RBFOX1: variants seen among roughly 807,000 people sequenced by gnomAD.
RBFOX1 encodes the protein RNA binding protein fox-1 homolog 1.
In RBFOX1, 8 loss-of-function variants were observed where a neutral mutation model predicts 57.7. That is an observed-to-expected ratio of 0.14 (90% confidence interval 0.08 to 0.25). The LOEUF (loss-of-function observed/expected upper bound fraction) is 0.25. Among genes scored for constraint, RBFOX1 ranks in the 10% least tolerant of loss-of-function variants. The pLI is 1.00. For synonymous variants in RBFOX1, 326 were observed against 222.4 expected (o/e 1.47, Z -4.15); for missense variants, 611 against 548.5 (o/e 1.11, Z -1.14).
intron 3 of RBFOX1, among the ~76,000 whole-genome samples, chr16:7,035,198 G>T (rs2044034332): frequency 6.6e-6 from 1 of 151,888 alleles, no homozygotes; most frequent in Non-Finnish European, 1.5e-5. Context: ...AACGCTGTTG[G>T]TCCTCAGTCT....
In RBFOX1 at chr16:7,264,656, A is replaced by G. The variant is rs568521493; in HGVS notation, c.27+212558A>G. ...GGACACTGGAATTTGCATTTCATGT[A>G]ATTTTCAGGTGTCATGCAATCTTAT... On this transcript the variant is annotated intron_variant, in intron 4 of 15. Coordinates refer to ENST00000550418, the MANE Select transcript of RBFOX1 (RefSeq NM_018723.4). 1.8e-4 allele frequency among the ~76,000 whole-genome samples: 27 copies of G among 152,314 alleles called. No individual in the cohort carries two copies. The South Asian group carries it at 5.4e-3, about 30-fold the overall frequency.
chr16:5,724,543 G>A (rs541581893), intron 3 of RBFOX1, among the ~76,000 whole-genome samples: 1 of 152,182 alleles, frequency 6.6e-6, no homozygotes, highest in Non-Finnish European at 1.5e-5. Context: ...CTTAGGGAAG[G>A]CATCTGACAT....
chr16:7,433,124 C>T (rs903117925), intron 4 of RBFOX1, among the ~76,000 whole-genome samples: 1 of 152,146 alleles, frequency 6.6e-6, no homozygotes, highest in African/African-American at 2.4e-5. Context: ...ATTGAATTCC[C>T]CCAACCAAGT....
chr16:7,104,663 C>G (rs1383377954), intron 4 of RBFOX1, among the ~76,000 whole-genome samples: 1 of 152,134 alleles, frequency 6.6e-6, no homozygotes, highest in African/African-American at 2.4e-5. Context: ...CAGAAAGACA[C>G]ATGTTTTCCT....
rs149685861 is a variant in RBFOX1, at chr16:7,197,961, G to A, written c.27+145863G>A. On this transcript the variant is annotated intron_variant, in intron 4 of 15. Coordinates refer to ENST00000550418, the MANE Select transcript of RBFOX1 (RefSeq NM_018723.4). ...TCATGTGTTTTCTCTTTTTTCCCCCGTTCCACTCAGCTCATACCTTGTGGT... is the reference window on the plus strand; with the variant it reads ...TCATGTGTTTTCTCTTTTTTCCCCCATTCCACTCAGCTCATACCTTGTGGT... Among the ~76,000 whole-genome samples, 523 of 140,122 alleles carry A rather than the reference G, an allele frequency of 3.7e-3. 4 individuals carry two copies. Among genetic ancestry groups the A allele is most frequent in the African/African-American group, 0.013 (489 of 37,414 alleles). 91.9% of individuals were successfully genotyped at this position (140,122 alleles called of 152,430 possible). A position where few individuals can be genotyped will look rare whatever the true frequency, so the allele number is the denominator to read the frequency against.
chr16:6,988,734 T>TTTC (rs2090842250), intron 3 of RBFOX1, among the ~76,000 whole-genome samples: 1 of 72,614 alleles, frequency 1.4e-5, no homozygotes, highest in African/African-American at 9.7e-5. Flanking sequence ...CCAGCTAATT[T>TTTC]TTTTTTTTGT....
intron 1 of RBFOX1, among the ~76,000 whole-genome samples, chr16:5,242,132 G>C (rs1298940777): frequency 2.0e-5 from 3 of 151,926 alleles, no homozygotes; most frequent in Non-Finnish European, 4.4e-5. Flanking sequence ...GAGAGAGAGA[G>C]AGAGACAGAC....
At chr16:7,441,452 C>G (rs994818209) in intron 4 of RBFOX1, among the ~76,000 whole-genome samples, 5 of 152,160 alleles carry the variant, frequency 3.3e-5, no homozygotes, top group South Asian at 2.1e-4. Context: ...AGATGGGACT[C>G]TAGGGATTCA....
intron 2 of RBFOX1, among the ~76,000 whole-genome samples, chr16:6,386,864 G>A (rs1379205700): frequency 6.6e-6 from 1 of 152,210 alleles, no homozygotes; most frequent in Non-Finnish European, 1.5e-5. Flanking sequence ...GGAAGTATGG[G>A]TGGTGAGAAA....
At chr16:7,260,961 G>C (rs1052961753) in intron 4 of RBFOX1, among the ~76,000 whole-genome samples, 2 of 152,172 alleles carry the variant, frequency 1.3e-5, no homozygotes, top group African/African-American at 4.8e-5. Flanking sequence ...GCCCCTTCAA[G>C]GGTCAAGAAA....
chr16:6,095,820 T>A (rs1276745377), intron 1 of RBFOX1, among the ~76,000 whole-genome samples: 1 of 152,116 alleles, frequency 6.6e-6, no homozygotes, highest in Non-Finnish European at 1.5e-5. Context: ...CAACAGTGCC[T>A]GGTTTTCACT....
intron 2 of RBFOX1, among the ~76,000 whole-genome samples, chr16:6,455,323 C>T (rs1343000848): frequency 6.6e-6 from 1 of 152,130 alleles, no homozygotes; most frequent in Non-Finnish European, 1.5e-5. Context: ...GCTGGTGAGA[C>T]AGAAGCAGGG....
chr16:7,685,876 C>T (rs1041783067), intron 14 of RBFOX1, among the ~76,000 whole-genome samples: 4 of 151,982 alleles, frequency 2.6e-5, no homozygotes, highest in African/African-American at 4.8e-5. Context: ...TATAGACATG[C>T]ACTAGCAAAT....
intron 3 of RBFOX1, among the ~76,000 whole-genome samples, chr16:6,990,885 C>G (rs1237217088): frequency 1.3e-5 from 2 of 152,070 alleles, no homozygotes; most frequent in Non-Finnish European, 2.9e-5. Context: ...TAAGATAAGG[C>G]TGTCATTTTT....
At chr16:5,993,374 TGTGTGTGTGTGAGAGA>T (rs1215181585) in intron 4 of RBFOX1, among the ~76,000 whole-genome samples, 1 of 34,526 alleles carries the variant, frequency 2.9e-5, no homozygotes, top group African/African-American at 1.8e-4. Context: ...TGTGTGTGTG[TGTGTGTGTGTGAGAGA>T]GAGAGAGACA....
At chr16:6,855,403 G>A (rs67794121) in intron 3 of RBFOX1, among the ~76,000 whole-genome samples, 79,985 of 151,812 alleles carry the variant, frequency 0.53, 23,235 homozygotes, top group African/African-American at 0.78. Flanking sequence ...TGTAATCCCA[G>A]CACTTTGGGA....
At chr16:7,695,851 T>C (rs2078647504) in intron 14 of RBFOX1, among the ~76,000 whole-genome samples, 2 of 152,092 alleles carry the variant, frequency 1.3e-5, no homozygotes, top group Admixed American at 6.6e-5. Flanking sequence ...ATGCTTAAAA[T>C]CTCAGTGTGG....
At chr16:7,506,315 T>C (rs896787744) in intron 4 of RBFOX1, among the ~76,000 whole-genome samples, 5 of 151,458 alleles carry the variant, frequency 3.3e-5, no homozygotes, top group Admixed American at 3.3e-4. Context: ...GAATATACAA[T>C]GTAGGATTCT....
At chr16:7,022,405 C>T (rs934154728) in intron 3 of RBFOX1, among the ~76,000 whole-genome samples, 4 of 151,908 alleles carry the variant, frequency 2.6e-5, no homozygotes, top group Admixed American at 1.3e-4. Context: ...GAAGTCAGGT[C>T]TGCTTAAACC....
Sources: allele counts gnomAD v4.1 joint callset (sites outside exome capture counted in the v4.1 genomes callset), GRCh38; gene constraint gnomAD v4.1.1; transcripts MANE v1.5; gene names NCBI Gene and HGNC (gene_info 2026-07-23, HGNC 2026-07-21).